NPL: variants seen among roughly 807,000 people sequenced by gnomAD.
NPL encodes the protein N-acetylneuraminate lyase.
NPL carries 32 observed loss-of-function variants against 41.1 expected under a neutral mutation model. That is an observed-to-expected ratio of 0.78 (90% CI 0.59 to 1.05). The LOEUF is 1.05. Ranked by LOEUF, NPL falls within the 50% of genes least tolerant of loss-of-function variation. The pLI is 0.00. For missense variants in NPL, 321 were observed against 378.4 expected (o/e 0.85, Z 1.26); for synonymous variants, 128 against 134.9 (o/e 0.95, Z 0.35).
chr1:182,824,870 C>T (rs772566427), intron 11 of NPL, among the ~76,000 whole-genome samples: 36 of 152,028 alleles, frequency 2.4e-4, no homozygotes, highest in African/African-American at 5.1e-4. Flanking sequence ...GTCTGGAATC[C>T]GTGGATGAAT....
At position 182,829,299 on chromosome 1, in the gene NPL, A is replaced by G. The variant is rs1376318598; in HGVS notation, c.*391A>G. 9 of 1,190,862 alleles carry G rather than the reference A, an allele frequency of 7.6e-6. No homozygotes were observed. The highest frequency in any genetic ancestry group is 9.4e-6 in the Non-Finnish European group (9 of 958,808). The allele number at this position is 1,190,862 out of a possible 1,614,324, so 73.8% of individuals were successfully genotyped here. On this transcript the variant is annotated 3_prime_UTR_variant, in exon 13 of 13. Coordinates refer to ENST00000367553, the MANE Select transcript of NPL (RefSeq NM_030769.3). ...CTATAATATGTCTTCATTTTAATAA[A>G]TATTCATTTGGAATCTAGGAAAACT...
At chr1:182,807,025 A>C (rs1314062744) in intron 5 of NPL, among the ~76,000 whole-genome samples, 1 of 152,074 alleles carries the variant, frequency 6.6e-6, no homozygotes. Flanking sequence ...TTTTTAATAG[A>C]GATGGGGTTT....
At chr1:182,822,704 A>G (rs1364145535) in intron 11 of NPL, among the ~76,000 whole-genome samples, 2 of 152,224 alleles carry the variant, frequency 1.3e-5, no homozygotes, top group Non-Finnish European at 2.9e-5. Flanking sequence ...TGGGTGATCC[A>G]AAGTAGATAC....
At chr1:182,819,845 T>G (rs776078117) in intron 10 of NPL, among the ~76,000 whole-genome samples, 5 of 152,122 alleles carry the variant, frequency 3.3e-5, no homozygotes, top group African/African-American at 4.8e-5. Flanking sequence ...AGAAACCCAT[T>G]TGAACTAGCT....
intron 2 of NPL, 121 bp from the exon 3 acceptor site, chr1:182,794,235 C>T: frequency 4.6e-6 from 4 of 871,408 alleles, no homozygotes; most frequent in South Asian, 2.7e-5. Flanking sequence ...TGTACTTGCT[C>T]TGTGTGTTTG....
chr1:182,790,204 G>A (rs1423439304), intron 1 of NPL, among the ~76,000 whole-genome samples: 1 of 152,046 alleles, frequency 6.6e-6, no homozygotes, highest in Non-Finnish European at 1.5e-5. Context: ...CCTCTTCTCC[G>A]AGTACCTGTC....
intron 5 of NPL, chr1:182,810,059 G>C (rs2102548664): frequency 6.6e-6 from 1 of 152,282 alleles, no homozygotes; most frequent in South Asian, 2.1e-4. Flanking sequence ...GCTAGGTCCT[G>C]TTTTACCTAA....
chr1:182,819,081 AGGCCAAGGT>A (rs993205356), intron 10 of NPL, among the ~76,000 whole-genome samples: 1 of 151,894 alleles, frequency 6.6e-6, no homozygotes, highest in African/African-American at 2.4e-5. Flanking sequence ...GCACTTTGGG[AGGCCAAGGT>A]GGGCAGATCA....
intron 4 of NPL, 81 bp downstream of exon 4, chr1:182,803,852 G>GC (rs1666926812): frequency 1.0e-6 from 1 of 1,001,180 alleles, no homozygotes; most frequent in East Asian, 2.4e-5. Flanking sequence ...CCAGCCAAGA[G>GC]GTCACACAGT....
At chr1:182,816,141 T>C (rs957018385) in intron 7 of NPL, among the ~76,000 whole-genome samples, 1 of 152,148 alleles carries the variant, frequency 6.6e-6, no homozygotes, top group Non-Finnish European at 1.5e-5. Context: ...TCACATGAGA[T>C]GATGCAGGAA....
chr1:182,804,413 C>G (rs1666945392), intron 4 of NPL, among the ~76,000 whole-genome samples: 1 of 152,202 alleles, frequency 6.6e-6, no homozygotes, highest in Admixed American at 6.5e-5. Flanking sequence ...CAGGCGTGAG[C>G]CACCGCGCCC....
In NPL at chr1:182,816,738, A is replaced by C; in HGVS notation, c.389A>C (p.Glu130Ala). Residue 130 changes from glutamate (E) to alanine (A), a missense_variant, in exon 8 of 13, where the codon GAA (glutamate) becomes GCA (alanine). Coordinates refer to ENST00000367553, the MANE Select transcript of NPL (RefSeq NM_030769.3). The stretch of plus-strand genomic sequence containing the variant: ...GATATCCTGATTAATTTCCTAAAGG[A>C]AGTGGCTGCTGCCGCCCCTGCCCTG... Reference protein sequence around the residue: ...TKDILINFLKEVAAAAPALPF... With the variant: ...TKDILINFLKAVAAAAPALPF... The C allele has an allele frequency of 6.2e-7, 1 of 1,612,856 alleles. No individual in the cohort carries two copies. The highest frequency in any genetic ancestry group is 1.1e-5 in the South Asian group (1 of 91,078).
At chr1:182,823,042 G>A (rs369276223) in intron 11 of NPL, among the ~76,000 whole-genome samples, 16 of 152,194 alleles carry the variant, frequency 1.1e-4, no homozygotes, top group African/African-American at 3.6e-4. Context: ...CTAACATCTG[G>A]TTCTAACCCA....
chr1:182,798,666 C>T (rs898185733), intron 3 of NPL, among the ~76,000 whole-genome samples: 2 of 152,198 alleles, frequency 1.3e-5, no homozygotes, highest in Non-Finnish European at 2.9e-5. Context: ...CTTGGCATCA[C>T]CCTGGGGAAT....
chr1:182,794,555 G>A, intron 3 of NPL, 116 bp downstream of exon 3: 1 of 1,031,102 alleles, frequency 9.7e-7, no homozygotes, highest in Non-Finnish European at 1.5e-6. Context: ...GTTGCCAAAA[G>A]GCAGCTTCTG....
chr1:182,803,396 A>G (rs1241821170), intron 3 of NPL, among the ~76,000 whole-genome samples: 2 of 152,222 alleles, frequency 1.3e-5, no homozygotes, highest in Admixed American at 6.5e-5. Context: ...AGCGTTGGGC[A>G]AAAGATAGTT....
chr1:182,808,351 T>C (rs1253829082), intron 5 of NPL, among the ~76,000 whole-genome samples: 2 of 152,174 alleles, frequency 1.3e-5, no homozygotes, highest in Non-Finnish European at 2.9e-5. Context: ...AGAAGACCAC[T>C]AGGTTTGACA....
intron 5 of NPL, among the ~76,000 whole-genome samples, chr1:182,810,278 C>A (rs1266916716): frequency 6.6e-6 from 1 of 152,132 alleles, no homozygotes; most frequent in African/African-American, 2.4e-5. Context: ...CATGGTATAC[C>A]CCCAAAAATG....
chr1:182,803,213 G>A (rs1211645614), intron 3 of NPL, among the ~76,000 whole-genome samples: 3 of 152,146 alleles, frequency 2.0e-5, no homozygotes, highest in Non-Finnish European at 4.4e-5. Context: ...AGTACCCTAA[G>A]AGTAGGGTGG....
Sources: allele counts gnomAD v4.1 joint callset (sites outside exome capture counted in the v4.1 genomes callset), GRCh38; gene constraint gnomAD v4.1.1; transcripts MANE v1.5; gene names NCBI Gene and HGNC (gene_info 2026-07-23, HGNC 2026-07-21).